Variants in MTRF1 observed in about 807,000 individuals in gnomAD.
The protein encoded by MTRF1 is peptide chain release factor 1, mitochondrial.
In MTRF1, 51 loss-of-function variants were observed where a neutral mutation model predicts 62.9. That is an observed-to-expected ratio of 0.81 (90% CI 0.65 to 1.02). The LOEUF (loss-of-function observed/expected upper bound fraction) is 1.02. Among genes scored for constraint, MTRF1 ranks in the 50% least tolerant of loss-of-function variants. The probability of loss-of-function intolerance (pLI) is 0.00; values close to 1 mark genes in which losing one functional copy is unlikely to be tolerated. For synonymous variants in MTRF1, 158 were observed against 181.9 expected (o/e 0.87, Z 1.06); for missense variants, 446 against 530.0 (o/e 0.84, Z 1.56).
At chr13:41,311,259 GC>G in the MTRF1 span, 1 of 531,292 alleles carries the variant, frequency 1.9e-6, no homozygotes. Context: ...GACCCTGGCT[GC>G]CATCTTGCAG....
At chr13:41,251,730 C>T (rs1257635335) in intron 5 of MTRF1, among the ~76,000 whole-genome samples, 1 of 152,182 alleles carries the variant, frequency 6.6e-6, no homozygotes, top group Non-Finnish European at 1.5e-5. Flanking sequence ...CTGATGACTC[C>T]TCTGTCTACT....
At chr13:41,299,327 C>A in the MTRF1 span, among the ~76,000 whole-genome samples, 4 of 152,228 alleles carry the variant, frequency 2.6e-5, no homozygotes, top group East Asian at 7.7e-4. Context: ...TTATCACAAC[C>A]TCTTTTAGAG....
chr13:41,223,242 C>G lies in MTRF1; in HGVS notation c.1224+14G>C, dbSNP rs749936321. ...TGAAATCAAAGGTAGGCAAAGCATA[C>G]TCAGTAGTATTACCTTAATATCACG... is the stretch of plus-strand genomic sequence containing the variant. On this transcript the variant is annotated intron_variant, in intron 9 of 9. Transcript: ENST00000379480. 1.3e-6 allele frequency: 2 copies of G among 1,569,942 alleles called. No homozygotes were observed. The highest frequency in any genetic ancestry group is 1.7e-6 in the Non-Finnish European group (2 of 1,143,168).
rs76246674 is a variant in MTRF1 at position 41,232,764 on chromosome 13, C to A, written c.988+1126G>T. Among the ~76,000 whole-genome samples the A allele has an allele frequency of 3.3e-3, 503 of 152,304 alleles. 2 individuals are homozygous for A. The highest frequency in any genetic ancestry group is 0.014 in the Middle Eastern group (4 of 294). The stretch of plus-strand genomic sequence containing the variant: ...CCCCAACTGCTGATGACCAGGACAA[C>A]CCCTGTGCAATGTCCTGGGGAGCAG... On this transcript the variant is annotated intron_variant, in intron 7 of 9. Coordinates refer to ENST00000379480, the MANE Select transcript of MTRF1 (RefSeq NM_004294.4).
At chr13:41,271,201 A>C in the MTRF1 span, among the ~76,000 whole-genome samples, 1 of 152,228 alleles carries the variant, frequency 6.6e-6, no homozygotes, top group Non-Finnish European at 1.5e-5. Context: ...ATAGACAAAT[A>C]ACAGCAGATT....
chr13:41,272,235 C>A, the MTRF1 span, among the ~76,000 whole-genome samples: 1 of 152,150 alleles, frequency 6.6e-6, no homozygotes, highest in African/African-American at 2.4e-5. Context: ...TGCCTTTGTT[C>A]TGAATTCTTT....
intron 6 of MTRF1, among the ~76,000 whole-genome samples, chr13:41,234,530 T>C (rs1484079401): frequency 6.6e-6 from 1 of 152,106 alleles, no homozygotes; most frequent in African/African-American, 2.4e-5. Flanking sequence ...ATCACTGAGT[T>C]TTCAATCTTT....
the MTRF1 span, among the ~76,000 whole-genome samples, chr13:41,271,042 AG>A: frequency 3.5e-5 from 5 of 142,750 alleles, no homozygotes; most frequent in African/African-American, 1.3e-4. Flanking sequence ...GCCAGCCCAA[AG>A]GCCTTTTAAA....
At chr13:41,245,385 C>T (rs1423010752) in intron 5 of MTRF1, among the ~76,000 whole-genome samples, 4 of 151,966 alleles carry the variant, frequency 2.6e-5, no homozygotes, top group East Asian at 1.9e-4. Flanking sequence ...GGACTACAGA[C>T]GTGTGCCACC....
At chr13:41,283,935 A>T in the MTRF1 span, among the ~76,000 whole-genome samples, 3 of 152,120 alleles carry the variant, frequency 2.0e-5, no homozygotes, top group African/African-American at 7.2e-5. Context: ...TAAAGGGCAG[A>T]TTGACATGCC....
chr13:41,245,736 A>G (rs901322419), intron 5 of MTRF1, among the ~76,000 whole-genome samples: 1 of 152,158 alleles, frequency 6.6e-6, no homozygotes, highest in Non-Finnish European at 1.5e-5. Flanking sequence ...ACTTTTCCAT[A>G]TATTTTAGAA....
intron 7 of MTRF1, among the ~76,000 whole-genome samples, chr13:41,232,830 G>A (rs1566088198): frequency 3.9e-5 from 6 of 152,166 alleles, no homozygotes; most frequent in Admixed American, 2.6e-4. Flanking sequence ...GCTCTGTCAT[G>A]GAGTCTCCAG....
intron 3 of MTRF1, among the ~76,000 whole-genome samples, chr13:41,253,241 A>G (rs557396573): frequency 9.8e-5 from 15 of 152,362 alleles, no homozygotes; most frequent in African/African-American, 3.6e-4. Context: ...ACTTGTCAGT[A>G]TATTTTCTGC....
chr13:41,264,152 T>C (rs932448399), upstream of MTRF1, among the ~76,000 whole-genome samples: 1 of 152,254 alleles, frequency 6.6e-6, no homozygotes, highest in Non-Finnish European at 1.5e-5. Context: ...GTGTAATTTC[T>C]ATACTTTCAG....
At chr13:41,288,226 A>G in the MTRF1 span, 1 of 434,564 alleles carries the variant, frequency 2.3e-6, no homozygotes, top group South Asian at 1.7e-5. Context: ...CAATAGTGAT[A>G]ATGCATTGGG....
the MTRF1 span, among the ~76,000 whole-genome samples, chr13:41,280,105 T>A: frequency 6.6e-6 from 1 of 152,108 alleles, no homozygotes; most frequent in African/African-American, 2.4e-5. Flanking sequence ...GCTTGTCTAA[T>A]TTTTGTATTT....
intron 7 of MTRF1, among the ~76,000 whole-genome samples, chr13:41,233,304 G>A (rs915828691): frequency 1.3e-5 from 2 of 152,008 alleles, no homozygotes; most frequent in Admixed American, 6.6e-5. Context: ...GGAAGAGGGT[G>A]GGAACAAGTC....
intron 1 of MTRF1, 67 bp downstream of exon 1, chr13:41,263,418 A>C (rs1027221967): frequency 3.6e-6 from 2 of 551,214 alleles, no homozygotes; most frequent in Admixed American, 5.2e-5. Context: ...AACTCAGTAT[A>C]TGGAGTGATT....
the MTRF1 span, among the ~76,000 whole-genome samples, chr13:41,300,654 C>T: frequency 1.3e-5 from 2 of 151,914 alleles, no homozygotes; most frequent in African/African-American, 2.4e-5. Context: ...AAGCAATCCT[C>T]CTGCCTCAGC....
Sources: allele counts gnomAD v4.1 joint callset (sites outside exome capture counted in the v4.1 genomes callset), GRCh38; gene constraint gnomAD v4.1.1; transcripts MANE v1.5; gene names NCBI Gene and HGNC (gene_info 2026-07-23, HGNC 2026-07-21).